The following HERC2 variants were observed in gnomAD, a reference collection of about 807,000 sequenced individuals.
HERC2 encodes E3 ubiquitin-protein ligase HERC2.
A neutral mutation model predicts 537.7 loss-of-function variants in HERC2; 102 were observed. The ratio of observed to expected loss-of-function variants is 0.19; its 90% CI spans 0.16 to 0.22. The LOEUF is 0.22. Ranked by LOEUF, HERC2 falls within the 10% of genes least tolerant of loss-of-function variation. The pLI is 1.00. For synonymous variants in HERC2, 2,224 were observed against 2,466.2 expected (o/e 0.90, Z 2.91); for missense variants, 4,236 against 6,198.2 (o/e 0.68, Z 10.63).
intron 52 of HERC2, among the ~76,000 whole-genome samples, chr15:28,193,024 C>T (rs899921365): frequency 6.6e-6 from 1 of 152,014 alleles, no homozygotes; most frequent in African/African-American, 2.4e-5. Flanking sequence ...TAACCTTTAC[C>T]AAGTAGCTCA....
Position 28,111,365 on chromosome 15 carries a change from C to A in HERC2, c.*398G>T. 2 of 194,542 alleles carry A rather than the reference C, an allele frequency of 1.0e-5. No individual in the cohort carries two copies. The highest frequency in any genetic ancestry group is 2.1e-5 in the Non-Finnish European group (2 of 96,692). The allele number at this position is 194,542 out of a possible 1,614,324, so 12.1% of individuals were successfully genotyped here. ...ATACGATTTGTTACACAGTTATTTC[C>A]AATATACAATCAAGACGACTCACGA... On this transcript the variant is annotated 3_prime_UTR_variant, in exon 93 of 93. Coordinates refer to ENST00000261609, the MANE Select transcript of HERC2 (RefSeq NM_004667.6).
At chr15:28,130,008 C>T (rs1009676754) in intron 83 of HERC2, among the ~76,000 whole-genome samples, 155 bp downstream of exon 83, 2 of 152,024 alleles carry the variant, frequency 1.3e-5, no homozygotes, top group Non-Finnish European at 2.9e-5. Context: ...CTCTTGACCT[C>T]GTGATCCGCC....
At position 28,142,248 on chromosome 15, in the gene HERC2, A is replaced by G. The variant is rs544785440; in HGVS notation, c.11690T>C (p.Phe3897Ser). The G allele has an allele frequency of 6.4e-5, 104 of 1,613,956 alleles. 1 individual carries two copies. The highest frequency in any genetic ancestry group is 7.1e-5 in the Non-Finnish European group (84 of 1,180,000). ...LDKRTPLPRL[F>S]LDEVAKKIRE... ...AATATCATGCAATACCTCATCAAGA[A>G]ACAGACGGGGCAACGGTGTTCTTTT... The change falls in exon 76 of 93, where the codon TTT (phenylalanine) becomes TCT (serine). Residue 3897 changes from phenylalanine (F) to serine (S), a missense_variant. Around this residue, in one of 27 missense-constraint regions of HERC2, gnomAD observed 156 missense variants for 172.3 expected, o/e 0.91. Coordinates refer to ENST00000261609, the MANE Select transcript of HERC2 (RefSeq NM_004667.6).
rs1433825712 is a variant in HERC2 at position 28,236,974 on chromosome 15, A to G, written c.3992T>C (p.Ile1331Thr). 3.7e-6 allele frequency: 6 copies of G among 1,611,838 alleles called. No individual in the cohort carries two copies. Among genetic ancestry groups the G allele is most frequent in the East Asian group, 2.2e-5 (1 of 44,876 alleles). The change falls in exon 26 of 93, where the codon ATT becomes ACT. Residue 1331 changes from isoleucine to threonine, a missense_variant. Coordinates refer to ENST00000261609, the MANE Select transcript of HERC2 (RefSeq NM_004667.6). ...AAAGATTTTCTTACTGGCACATTCA[A>G]TCTCGACAGGAGACAGCGGTGTGCT... ...AMSTPLSPVE[I>T]ECAKWLQSSI...
At chr15:28,187,783 G>C (rs999288530) in intron 55 of HERC2, among the ~76,000 whole-genome samples, 1 of 152,150 alleles carries the variant, frequency 6.6e-6, no homozygotes, top group African/African-American at 2.4e-5. Flanking sequence ...CAGAACACAA[G>C]CAAGACCCAA....
At chr15:28,135,917 T>C (rs888587762) in intron 78 of HERC2, among the ~76,000 whole-genome samples, 11 of 152,140 alleles carry the variant, frequency 7.2e-5, no homozygotes, top group Non-Finnish European at 1.6e-4. Flanking sequence ...TCAGAAAACA[T>C]ATTGTGAAAA....
At chr15:28,295,033 C>A (rs1258200767) in intron 3 of HERC2, among the ~76,000 whole-genome samples, 2 of 151,842 alleles carry the variant, frequency 1.3e-5, no homozygotes, top group Non-Finnish European at 2.9e-5. Flanking sequence ...GCATTGTTAG[C>A]CATTACAGAA....
intron 23 of HERC2, among the ~76,000 whole-genome samples, chr15:28,245,262 T>C (rs1202567522): frequency 6.6e-6 from 1 of 151,960 alleles, no homozygotes. Context: ...ATAACCGAAA[T>C]ATAGCCGGGC....
chr15:28,318,661 T>C (rs1175570332), intron 2 of HERC2, among the ~76,000 whole-genome samples: 2 of 152,096 alleles, frequency 1.3e-5, no homozygotes, highest in Non-Finnish European at 2.9e-5. Flanking sequence ...ACTGTTTATA[T>C]GTAATAACCA....
intron 45 of HERC2, among the ~76,000 whole-genome samples, chr15:28,204,418 G>A (rs1173911815): frequency 2.6e-5 from 4 of 152,092 alleles, no homozygotes; most frequent in African/African-American, 4.8e-5. Flanking sequence ...TCAGGAGTTC[G>A]AGACCAGCCT....
At chr15:28,275,713 G>A (rs921315103) in intron 5 of HERC2, among the ~76,000 whole-genome samples, 1 of 151,610 alleles carries the variant, frequency 6.6e-6, no homozygotes, top group African/African-American at 2.4e-5. Flanking sequence ...AACCTGGGGG[G>A]TGCAGCTTGC....
chr15:28,167,301 G>A (rs8043281), intron 68 of HERC2, among the ~76,000 whole-genome samples: 18,873 of 152,176 alleles, frequency 0.12, 3,947 homozygotes, highest in African/African-American at 0.43. Context: ...ATTCTGCACC[G>A]TTCCTGTGGT....
intron 5 of HERC2, among the ~76,000 whole-genome samples, chr15:28,278,457 T>C (rs140343776): frequency 6.6e-6 from 1 of 152,340 alleles, no homozygotes; most frequent in Non-Finnish European, 1.5e-5. Flanking sequence ...AGATGTTATA[T>C]TGTATTGTTT....
At chr15:28,271,342 G>T (rs1261619725) in intron 9 of HERC2, among the ~76,000 whole-genome samples, 1 of 152,218 alleles carries the variant, frequency 6.6e-6, no homozygotes, top group Non-Finnish European at 1.5e-5. Context: ...AAAGGCAGAA[G>T]AGCCCTATTA....
At chr15:28,313,344 A>AT (rs1256401477) in intron 2 of HERC2, among the ~76,000 whole-genome samples, 1 of 152,208 alleles carries the variant, frequency 6.6e-6, no homozygotes, top group African/African-American at 2.4e-5. Context: ...CGCCCGGCTA[A>AT]TTTTTTGTGT....
rs1175668084 is a variant in HERC2, at chr15:28,142,811, A to G, written c.11544+16T>C. On this transcript the variant is annotated intron_variant, in intron 75 of 92. Transcript: ENST00000261609. Reference sequence around the variant, plus strand: ...AATAGCTCTATTGTCACTTTAAAAAAGAAGTGAAACATTACCTTAAAGAAT... The same window carrying G: ...AATAGCTCTATTGTCACTTTAAAAAGGAAGTGAAACATTACCTTAAAGAAT... The G allele has an allele frequency of 4.0e-6, 6 of 1,506,036 alleles. No homozygotes were observed. In the Admixed American group the frequency reaches 1.1e-4, roughly 27 times the overall value. 93.3% of individuals were successfully genotyped at this position (1,506,036 alleles called of 1,614,324 possible).
chr15:28,244,414 A>AGATGATCAGAAGTAAGGTGGC (rs1211213521), intron 23 of HERC2, among the ~76,000 whole-genome samples: 2 of 152,174 alleles, frequency 1.3e-5, no homozygotes, highest in African/African-American at 4.8e-5. Context: ...ACTTAGTATA[A>AGATGATCAGAAGTAAGGTGGC]GATGATCAGA....
intron 26 of HERC2, among the ~76,000 whole-genome samples, chr15:28,235,437 C>T (rs867700553): frequency 6.6e-6 from 1 of 152,154 alleles, no homozygotes; most frequent in African/African-American, 2.4e-5. Flanking sequence ...GGGAAGGAAG[C>T]AGATACCTCA....
chr15:28,137,892 C>T (rs1890811140), intron 78 of HERC2, among the ~76,000 whole-genome samples: 1 of 152,156 alleles, frequency 6.6e-6, no homozygotes, highest in Non-Finnish European at 1.5e-5. Flanking sequence ...GCACCAGTTA[C>T]CCAAGAAAAA....
Sources: gnomAD v4.1 joint callset for allele counts (sites outside exome capture counted in the v4.1 genomes callset) on GRCh38, gnomAD v4.1.1 for gene constraint, gnomAD v4.1.1 regional missense constraint, MANE v1.5 for transcripts, NCBI Gene and HGNC (gene_info 2026-07-23, HGNC 2026-07-21) for gene names.